NPR1: variants seen among roughly 807,000 people sequenced by gnomAD.
NPR1 encodes atrial natriuretic peptide receptor 1.
NPR1 carries 57 observed loss-of-function variants against 116.9 expected under a neutral mutation model. The ratio of observed to expected loss-of-function variants is 0.49; its 90% CI spans 0.39 to 0.61. NPR1 has a LOEUF of 0.61. Among genes scored for constraint, NPR1 ranks in the 20% least tolerant of loss-of-function variants. The probability of loss-of-function intolerance (pLI) is 0.00; values close to 1 mark genes in which losing one functional copy is unlikely to be tolerated. For missense variants in NPR1, 1,096 were observed against 1,409.8 expected (o/e 0.78, Z 3.56); for synonymous variants, 555 against 601.6 (o/e 0.92, Z 1.13).
chr1:153,687,376 C>G lies in NPR1; in HGVS notation c.2092+20C>G. 6.2e-7 allele frequency: 1 copy of G among 1,612,308 alleles called. No homozygotes were observed. Among genetic ancestry groups the G allele is most frequent in the African/African-American group, 1.3e-5 (1 of 74,992 alleles). ...ATGCCAGTGAGCCTTGACTCTTGAACCTAACACCTGCCCCCAGCACCACCC... is the reference window on the plus strand; with the variant it reads ...ATGCCAGTGAGCCTTGACTCTTGAAGCTAACACCTGCCCCCAGCACCACCC... On this transcript the variant is annotated intron_variant, in intron 13 of 21. Coordinates refer to ENST00000368680, the MANE Select transcript of NPR1 (RefSeq NM_000906.4).
chr1:153,687,119 A>G (rs2101735635), intron 12 of NPR1, 32 bp downstream of exon 12: 1 of 1,613,978 alleles, frequency 6.2e-7, no homozygotes, highest in Non-Finnish European at 8.5e-7. Flanking sequence ...GGATGTGTAG[A>G]GCAGGGGCCA....
In NPR1 at chr1:153,679,331, G is replaced by A. The variant is rs921867248; in HGVS notation, c.223G>A (p.Gly75Ser). ...GAAGGCGCGCCCCGACTTGCTGCCG[G>A]GCTGGACGGTCCGCACGGTGCTGGG... Reference protein sequence around the residue: ...QVKARPDLLPGWTVRTVLGSS... With the variant: ...QVKARPDLLPSWTVRTVLGSS... Residue 75 changes from glycine to serine, a missense_variant, in exon 1 of 22, where the codon GGC becomes AGC. Physicochemically the swap from Gly to Ser is moderately conservative, Grantham distance 56. Transcript: ENST00000368680. The surrounding 1 kb of genome is among the most constrained non-coding windows in gnomAD (Gnocchi z 4.2). 2.0e-6 allele frequency: 3 copies of A among 1,536,108 alleles called. No homozygotes were observed. Among genetic ancestry groups the A allele is most frequent in the Admixed American group, 3.9e-5 (2 of 51,170 alleles).
At chr1:153,683,694 G>C in intron 6 of NPR1, 46 bp from the exon 7 acceptor site, 1 of 1,598,184 alleles carries the variant, frequency 6.3e-7, no homozygotes, top group East Asian at 2.2e-5. Flanking sequence ...TCCTCCTGCT[G>C]TCTAACCCAA....
Position 153,679,188 on chromosome 1 carries a change from T to C in NPR1, c.80T>C (p.Leu27Pro), listed in dbSNP as rs1357183087. ...LLLLPPLLLL[L>P]RGSHAGNLTV... ...CTGCTGCCGCCGCTGCTGCTGCTGC[T>C]CCGGGGCAGCCACGCGGGCAACCTG... The change falls in exon 1 of 22, where the codon CTC becomes CCC. Residue 27 changes from leucine (L) to proline (P), a missense_variant. Physicochemically the swap from Leu to Pro is moderately conservative, Grantham distance 98. Coordinates refer to ENST00000368680, the MANE Select transcript of NPR1 (RefSeq NM_000906.4). The surrounding 1 kb of genome is among the most constrained non-coding windows in gnomAD (Gnocchi z 4.2). 1 of 1,511,436 alleles carries C rather than the reference T, an allele frequency of 6.6e-7. No individual in the cohort carries two copies. The highest frequency in any genetic ancestry group is 2.7e-5 in the East Asian group (1 of 37,260). The allele number at this position is 1,511,436 out of a possible 1,614,324, so 93.6% of individuals were successfully genotyped here. A position where few individuals can be genotyped will look rare whatever the true frequency, so the allele number is the denominator to read the frequency against.
chr1:153,690,303 G>T lies in NPR1; in HGVS notation c.2952G>T (p.Val984=). 6.4e-7 allele frequency: 1 copy of T among 1,559,386 alleles called. No individual in the cohort carries two copies. The highest frequency in any genetic ancestry group is 8.7e-7 in the Non-Finnish European group (1 of 1,150,436). The change falls in exon 20 of 22, where the codon GTG becomes GTT. Residue 984 remains valine, a synonymous_variant. Transcript: ENST00000368680. ...TCCCAGGACCTGTGTGTGCTGGAGT[G>T]GTGGGACTGAAGATGCCCCGTTACT... ...GIHTGPVCAG[V]VGLKMPRYCL...
In NPR1 at chr1:153,679,071, G is replaced by A; in HGVS notation, c.-38G>A. On this transcript the variant is annotated 5_prime_UTR_variant, in exon 1 of 22. An upstream start codon of the reference 5' UTR is lost. Coordinates refer to ENST00000368680, the MANE Select transcript of NPR1 (RefSeq NM_000906.4). This position sits in a 1 kb window ranked among gnomAD's most constrained non-coding sequence, Gnocchi z 4.2. The stretch of plus-strand genomic sequence containing the variant: ...AGCCCAAGGGGACCGAGGAGGCCAT[G>A]GTAGGAGCGCTCGCCTGCTGCGGTG... 2 of 1,400,318 alleles carry A rather than the reference G, an allele frequency of 1.4e-6. No homozygotes were observed. Among genetic ancestry groups the A allele is most frequent in the Non-Finnish European group, 1.8e-6 (2 of 1,088,960 alleles). The allele number at this position is 1,400,318 out of a possible 1,614,324, so 86.7% of individuals were successfully genotyped here.
At position 153,690,068 on chromosome 1, in the gene NPR1, ATCTCTC is replaced by A. The variant is rs1189924933; in HGVS notation, c.2932+122_2932+127del. On this transcript the variant is annotated intron_variant, in intron 19 of 21. Coordinates refer to ENST00000368680, the MANE Select transcript of NPR1 (RefSeq NM_000906.4). Reference sequence around the variant, plus strand: ...CCCTGGCCCAGCCCCTCGCCCTTTCATCTCTCTCTCTCTCTCTCTCTCTCTCTCTCT... The same window carrying A: ...CCCTGGCCCAGCCCCTCGCCCTTTCATCTCTCTCTCTCTCTCTCTCTCTCT... 9.5e-3 allele frequency: 6,428 copies of A among 678,068 alleles called. 101 individuals are homozygous for A. The African/African-American group carries it at 0.096, about 10-fold the overall frequency. The allele number at this position is 678,068 out of a possible 1,614,324, so 42.0% of individuals were successfully genotyped here.
At position 153,690,323 on chromosome 1, in the gene NPR1, G is replaced by A. The variant is rs369856492; in HGVS notation, c.2972G>A (p.Arg991His). ...GGAGTGGTGGGACTGAAGATGCCCC[G>A]TTACTGTCTCTTTGGGGATACAGTC... The part of the protein sequence containing the change: ...CAGVVGLKMP[R>H]YCLFGDTVNT... The change falls in exon 20 of 22, where the codon CGT becomes CAT. Residue 991 changes from arginine (R) to histidine (H), a missense_variant. Physicochemically the swap from Arg to His is conservative, Grantham distance 29. Coordinates refer to ENST00000368680, the MANE Select transcript of NPR1 (RefSeq NM_000906.4). The A allele has an allele frequency of 7.0e-6, 11 of 1,560,782 alleles. No individual in the cohort carries two copies. The highest frequency in any genetic ancestry group is 1.9e-5 in the Admixed American group (1 of 52,104).
At chr1:153,683,619 G>A (rs1012823906) in intron 6 of NPR1, 108 bp downstream of exon 6, 5 of 1,553,568 alleles carry the variant, frequency 3.2e-6, no homozygotes, top group Non-Finnish European at 4.4e-6. Context: ...TCTGGAGAAT[G>A]ACTCCTGCCT....
intron 14 of NPR1, 67 bp downstream of exon 14, chr1:153,687,856 TC>T: frequency 6.8e-7 from 1 of 1,475,496 alleles, no homozygotes; most frequent in Non-Finnish European, 9.2e-7. Flanking sequence ...AGGGAGAGGG[TC>T]CCCTGGCAGC....
rs544955067 is a variant in NPR1, at chr1:153,688,310, G to A, written c.2417+89G>A. The A allele has an allele frequency of 9.5e-5, 133 of 1,401,026 alleles. No homozygotes were observed. The East Asian group carries it at 1.9e-3, about 20-fold the overall frequency. The allele number at this position is 1,401,026 out of a possible 1,614,324, so 86.8% of individuals were successfully genotyped here. A position where few individuals can be genotyped will look rare whatever the true frequency, so the allele number is the denominator to read the frequency against. On this transcript the variant is annotated intron_variant, in intron 15 of 21. Coordinates refer to ENST00000368680, the MANE Select transcript of NPR1 (RefSeq NM_000906.4). The stretch of plus-strand genomic sequence containing the variant: ...TCTGGCTCTGGCTTATCCCAGCAGT[G>A]GCAGAGGGAGACCACTCACCTCCTC...
chr1:153,688,302 C>A, intron 15 of NPR1, 81 bp downstream of exon 15: 1 of 1,472,292 alleles, frequency 6.8e-7, no homozygotes, highest in Non-Finnish European at 9.3e-7. Context: ...CTGGCTTATC[C>A]CAGCAGTGGC....
At chr1:153,681,014 C>T (rs1669757427) in intron 2 of NPR1, 166 bp from the exon 3 acceptor site, 2 of 605,776 alleles carry the variant, frequency 3.3e-6, no homozygotes, top group Non-Finnish European at 5.9e-6. Context: ...CCATTGGATC[C>T]CCTGCTTTGG....
chr1:153,686,736 C>T lies in NPR1; in HGVS notation c.1849C>T (p.Arg617Cys), dbSNP rs756687891. Reference protein sequence around the residue: ...NICILTEYCPRGSLQDILENE... With the variant: ...NICILTEYCPCGSLQDILENE... ...CTGCATCCTCACAGAGTACTGTCCC[C>T]GTGGGAGCCTGCAGGTGAGGGGGAC... Residue 617 changes from arginine to cysteine, a missense_variant, in exon 11 of 22, where the codon CGT becomes TGT. Physicochemically the swap from Arg to Cys is radical, Grantham distance 180. Coordinates refer to ENST00000368680, the MANE Select transcript of NPR1 (RefSeq NM_000906.4). 24 of 1,613,648 alleles carry T rather than the reference C, an allele frequency of 1.5e-5. 1 individual carries two copies. Among genetic ancestry groups the T allele is most frequent in the East Asian group, 2.2e-5 (1 of 44,892 alleles).
intron 20 of NPR1, among the ~76,000 whole-genome samples, chr1:153,691,728 T>C (rs926535557): frequency 6.6e-6 from 1 of 151,794 alleles, no homozygotes; most frequent in African/African-American, 2.4e-5. Context: ...GAACCTCCTG[T>C]CTCTACTAAA....
At position 153,681,749 on chromosome 1, in the gene NPR1, A is replaced by G. The variant is rs765024054; in HGVS notation, c.1081A>G (p.Ile361Val). The G allele has an allele frequency of 6.8e-6, 11 of 1,613,894 alleles. No homozygotes were observed. Among genetic ancestry groups the G allele is most frequent in the Admixed American group, 1.7e-5 (1 of 59,988 alleles). ...CTTCCACGACGGGCTCCTGCTCTAT[A>G]TCCAGGCAGTGACGGAGACTCTGGC... Reference protein sequence around the residue: ...ASFHDGLLLYIQAVTETLAHG... With the variant: ...ASFHDGLLLYVQAVTETLAHG... The change falls in exon 4 of 22, where the codon ATC becomes GTC. Residue 361 changes from isoleucine (I) to valine (V), a missense_variant. Ile to Val is a conservative substitution (Grantham distance 29, BLOSUM62 3). Coordinates refer to ENST00000368680, the MANE Select transcript of NPR1 (RefSeq NM_000906.4).
chr1:153,683,715 C>T, intron 6 of NPR1, 25 bp from the exon 7 acceptor site: 1 of 1,611,002 alleles, frequency 6.2e-7, no homozygotes, highest in Non-Finnish European at 8.5e-7. Flanking sequence ...ATCTCTCTTG[C>T]TGCAATATGG....
At position 153,689,148 on chromosome 1, in the gene NPR1, G is replaced by A. The variant is rs200711483; in HGVS notation, c.2565-40G>A. 1.4e-5 allele frequency: 23 copies of A among 1,613,976 alleles called. No homozygotes were observed. The highest frequency in any genetic ancestry group is 4.5e-5 in the East Asian group (2 of 44,882). ...CCCCCCAACACAAAGCCCCTGTCCC[G>A]ACCCCCAACTCTGATCCTGCACCTG... On this transcript the variant is annotated intron_variant, in intron 16 of 21. Coordinates refer to ENST00000368680, the MANE Select transcript of NPR1 (RefSeq NM_000906.4). The surrounding 1 kb of genome is among the most constrained non-coding windows in gnomAD (Gnocchi z 5.1).
chr1:153,686,255 G>A (rs1303435873), intron 10 of NPR1, 55 bp downstream of exon 10: 23 of 1,526,082 alleles, frequency 1.5e-5, no homozygotes. Context: ...GGACGCAAGG[G>A]AGACTGGCCA....
Sources: allele counts gnomAD v4.1 joint callset (sites outside exome capture counted in the v4.1 genomes callset), GRCh38; gene constraint gnomAD v4.1.1; non-coding constraint Gnocchi (gnomAD v3.1); transcripts MANE v1.5; gene names NCBI Gene and HGNC (gene_info 2026-07-23, HGNC 2026-07-21).